TMEM63C: variants seen among roughly 807,000 people sequenced by gnomAD.
TMEM63C encodes transmembrane protein 63C.
Under a neutral mutation model 99.2 loss-of-function variants are expected in TMEM63C, and 32 were observed. The ratio of observed to expected loss-of-function variants is 0.32; its 90% CI spans 0.24 to 0.43. The LOEUF (loss-of-function observed/expected upper bound fraction) is 0.43, where lower values mean the gene tolerates loss of function less well. Ranked by LOEUF, TMEM63C falls within the 20% of genes least tolerant of loss-of-function variation. TMEM63C has a pLI of 1.00. For missense variants in TMEM63C, 826 were observed against 1,053.0 expected, an observed-to-expected ratio of 0.78 and a Z score of 2.98; for synonymous variants, 376 against 397.9, an observed-to-expected ratio of 0.94 and a Z score of 0.66.
At chr14:77,208,322 C>A (rs185699906) in intron 1 of TMEM63C, among the ~76,000 whole-genome samples, 1 of 152,174 alleles carries the variant, frequency 6.6e-6, no homozygotes, top group East Asian at 1.9e-4. Flanking sequence ...AGTTCACGTC[C>A]TTTCACCTGC....
At chr14:77,242,797 G>A in intron 14 of TMEM63C, 106 bp from the exon 15 acceptor site, 1 of 1,368,676 alleles carries the variant, frequency 7.3e-7, no homozygotes, top group Non-Finnish European at 1.0e-6. Flanking sequence ...CAGGAGGCTG[G>A]ATTAGACCAG....
rs149146698 is a variant in TMEM63C at position 77,229,613 on chromosome 14, A to AATATATATATATATATATATATAT, written c.351-1956_351-1955insTATATATATATATATATATATATA. 9.1e-3 allele frequency among the ~76,000 whole-genome samples: 1,072 copies of AATATATATATATATATATATATAT among 117,644 alleles called. 22 individuals carry two copies. Among genetic ancestry groups the AATATATATATATATATATATATAT allele is most frequent in the South Asian group, 0.018 (57 of 3,178 alleles). The allele number at this position is 117,644 out of a possible 152,430, so 77.2% of individuals were successfully genotyped here. On this transcript the variant is annotated intron_variant, in intron 6 of 23. Coordinates refer to ENST00000298351, the MANE Select transcript of TMEM63C (RefSeq NM_020431.4). ...CAGGCACATGCTACCACACCCAGCT[A>AATATATATATATATATATATATAT]ATATATATATATATATATAGTAGAG...
chr14:77,219,648 C>A, intron 4 of TMEM63C, 71 bp downstream of exon 4: 1 of 1,505,964 alleles, frequency 6.6e-7, no homozygotes. Flanking sequence ...CAGGACGCAG[C>A]TCTGCCCAGC....
intron 3 of TMEM63C, 100 bp downstream of exon 3, chr14:77,219,063 C>A (rs561387375): frequency 8.5e-6 from 11 of 1,294,586 alleles, no homozygotes; most frequent in African/African-American, 7.5e-5. Context: ...AAATGGACAA[C>A]AACAACATTG....
Position 77,256,733 on chromosome 14 carries a change from C to T in TMEM63C, c.*7C>T, listed in dbSNP as rs1466071078. On this transcript the variant is annotated 3_prime_UTR_variant, in exon 24 of 24. Transcript: ENST00000298351. ...CCAGAACCAGTACCACTGACCGGGA[C>T]CTGAGGCCTCCACTGGCGACTTGTT... 3 of 1,612,670 alleles carry T rather than the reference C, an allele frequency of 1.9e-6. No individual in the cohort carries two copies. The highest frequency in any genetic ancestry group is 2.5e-6 in the Non-Finnish European group (3 of 1,178,962).
chr14:77,198,685 A>G (rs913995324), intron 1 of TMEM63C, among the ~76,000 whole-genome samples: 2 of 152,232 alleles, frequency 1.3e-5, no homozygotes, highest in African/African-American at 4.8e-5. Context: ...TCTGAGATAC[A>G]GGAAAATAGT....
At chr14:77,210,106 A>G (rs207801) in intron 1 of TMEM63C, among the ~76,000 whole-genome samples, 113,089 of 152,046 alleles carry the variant, frequency 0.74, 42,630 homozygotes, top group African/African-American at 0.84. Context: ...AACTTTTTGG[A>G]TCATCAAGAA....
At chr14:77,251,231 TGCAGTAA>T (rs1889353658) in intron 21 of TMEM63C, among the ~76,000 whole-genome samples, 1 of 152,254 alleles carries the variant, frequency 6.6e-6, no homozygotes, top group Non-Finnish European at 1.5e-5. Flanking sequence ...ATAAAAACAC[TGCAGTAA>T]GCATCATTAA....
At chr14:77,195,541 G>A (rs1197578879) in intron 1 of TMEM63C, among the ~76,000 whole-genome samples, 1 of 152,138 alleles carries the variant, frequency 6.6e-6, no homozygotes, top group Non-Finnish European at 1.5e-5. Flanking sequence ...TCAAGGTAGC[G>A]CCCTTCCACC....
At chr14:77,222,545 G>A (rs951854669) in intron 5 of TMEM63C, among the ~76,000 whole-genome samples, 10 of 152,190 alleles carry the variant, frequency 6.6e-5, no homozygotes, top group East Asian at 3.8e-4. Flanking sequence ...TAGGGCCTGT[G>A]GAATCAATTG....
intron 1 of TMEM63C, among the ~76,000 whole-genome samples, chr14:77,187,204 G>A (rs1375325793): frequency 6.6e-6 from 1 of 152,194 alleles, no homozygotes; most frequent in Admixed American, 6.5e-5. Flanking sequence ...GTGTCCAGGG[G>A]AGCCATCTGT....
At chr14:77,231,786 C>A (rs1037338753) in intron 7 of TMEM63C, 56 bp downstream of exon 7, 74 of 1,540,928 alleles carry the variant, frequency 4.8e-5, no homozygotes, top group South Asian at 2.4e-5. Flanking sequence ...GGCAGCCAGG[C>A]AAGCCAGTCA....
chr14:77,184,733 C>T (rs1887969686), intron 1 of TMEM63C, among the ~76,000 whole-genome samples: 1 of 152,174 alleles, frequency 6.6e-6, no homozygotes, highest in South Asian at 2.1e-4. Flanking sequence ...ACAGCTTACA[C>T]ATCAGCATGG....
intron 5 of TMEM63C, among the ~76,000 whole-genome samples, chr14:77,224,284 C>A (rs1464896545): frequency 6.6e-6 from 1 of 152,008 alleles, no homozygotes; most frequent in African/African-American, 2.4e-5. Flanking sequence ...TTGCTCCCCT[C>A]GGCATAAGGC....
intron 1 of TMEM63C, among the ~76,000 whole-genome samples, chr14:77,186,015 G>T (rs1055393980): frequency 6.6e-6 from 1 of 150,990 alleles, no homozygotes; most frequent in African/African-American, 2.4e-5. Context: ...TTTTGTTGTT[G>T]TTGTTTTTTT....
At chr14:77,222,160 TGTA>T (rs1362884867) in intron 5 of TMEM63C, among the ~76,000 whole-genome samples, 1 of 152,226 alleles carries the variant, frequency 6.6e-6, no homozygotes, top group East Asian at 1.9e-4. Flanking sequence ...ATATGGATAT[TGTA>T]GTCATTTGGG....
Position 77,219,989 on chromosome 14 carries a change from C to T in TMEM63C, c.231-17C>T. On this transcript the variant is annotated splice_polypyrimidine_tract_variant and intron_variant, in intron 4 of 23. Coordinates refer to ENST00000298351, the MANE Select transcript of TMEM63C (RefSeq NM_020431.4). The stretch of plus-strand genomic sequence containing the variant: ...TTCTCTCCTTTCTTACCTCCCTGCC[C>T]CTTCCCTGGCTGGCAGCCTGACCTC... The T allele has an allele frequency of 6.4e-7, 1 of 1,553,852 alleles. No homozygotes were observed. Among genetic ancestry groups the T allele is most frequent in the South Asian group, 1.2e-5 (1 of 84,162 alleles).
At chr14:77,225,499 C>T (rs765123182) in intron 6 of TMEM63C, 38 bp downstream of exon 6, 2 of 1,610,260 alleles carry the variant, frequency 1.2e-6, no homozygotes, top group Middle Eastern at 1.7e-4. Context: ...GACCGTGTTG[C>T]CTTGGGGGTG....
In TMEM63C at chr14:77,185,527, T is replaced by C. The variant is rs1196193826; in HGVS notation, c.-77+3633T>C. ...AGTGACCCTAAGGTCTTTGGAGAGA[T>C]AGGTGGGCAAGATGGAGCTGTGGCC... On this transcript the variant is annotated intron_variant, in intron 1 of 23. Transcript: ENST00000298351. 2.0e-5 allele frequency among the ~76,000 whole-genome samples: 3 copies of C among 152,076 alleles called. No individual in the cohort carries two copies. In the East Asian group the frequency reaches 5.8e-4, roughly 29 times the overall value.
Sources: gnomAD v4.1 joint callset for allele counts (sites outside exome capture counted in the v4.1 genomes callset) on GRCh38, gnomAD v4.1.1 for gene constraint, MANE v1.5 for transcripts, NCBI Gene and HGNC (gene_info 2026-07-23, HGNC 2026-07-21) for gene names.